Variants in AKT3 observed in about 807,000 individuals in gnomAD.
The protein encoded by AKT3 is AKT serine/threonine kinase 3, also known as RAC-gamma serine/threonine-protein kinase.
In AKT3, 15 loss-of-function variants were observed where a neutral mutation model predicts 65.3. That is an observed-to-expected ratio of 0.23 (90% CI 0.15 to 0.35). The LOEUF is 0.35. Ranked by LOEUF, AKT3 falls within the 10% of genes least tolerant of loss-of-function variation. The pLI is 1.00. For missense variants in AKT3, 243 were observed against 576.5 expected, an observed-to-expected ratio of 0.42 and a Z score of 5.92; for synonymous variants, 206 against 183.8, an observed-to-expected ratio of 1.12 and a Z score of -0.98.
chr1:243,499,839 C>G lies in AKT3; in HGVS notation c.*5410G>C. On this transcript the variant is annotated 3_prime_UTR_variant, in exon 14 of 14. Transcript: ENST00000673466. ...TTTACAAAGAGATATTTACATTCATCTGGTTTAGACTTAATATGCCACAAC... is the reference window on the plus strand; with the variant it reads ...TTTACAAAGAGATATTTACATTCATGTGGTTTAGACTTAATATGCCACAAC... The G allele has an allele frequency of 6.5e-7, 1 of 1,550,212 alleles. No individual in the cohort carries two copies. Among genetic ancestry groups the G allele is most frequent in the Non-Finnish European group, 8.9e-7 (1 of 1,125,048 alleles).
chr1:243,684,543 C>T (rs575095247), intron 3 of AKT3, among the ~76,000 whole-genome samples: 47 of 152,274 alleles, frequency 3.1e-4, no homozygotes, highest in African/African-American at 1.1e-3. Context: ...ACATTTTCTT[C>T]ATCCAGTCTA....
intron 9 of AKT3, among the ~76,000 whole-genome samples, chr1:243,570,143 C>G (rs1324781985): frequency 6.6e-6 from 1 of 152,172 alleles, no homozygotes; most frequent in Non-Finnish European, 1.5e-5. Context: ...ATAAAAATAT[C>G]TTAAGTTAAC....
chr1:243,683,605 T>C (rs1030300785), intron 3 of AKT3, among the ~76,000 whole-genome samples: 1 of 152,032 alleles, frequency 6.6e-6, no homozygotes, highest in Non-Finnish European at 1.5e-5. Flanking sequence ...CTTAAGCACC[T>C]ATCAACAAGT....
intron 1 of AKT3, among the ~76,000 whole-genome samples, chr1:243,849,573 G>C (rs965057583): frequency 1.3e-5 from 2 of 151,528 alleles, no homozygotes; most frequent in Non-Finnish European, 2.9e-5. Flanking sequence ...CACTGACACC[G>C]GCGCTCCACG....
chr1:243,729,762 GAC>G (rs1397079923), intron 2 of AKT3, among the ~76,000 whole-genome samples: 13 of 152,110 alleles, frequency 8.5e-5, no homozygotes, highest in Non-Finnish European at 1.2e-4. Flanking sequence ...AGATTAAGGA[GAC>G]ATAAAATATT....
chr1:243,818,869 G>A (rs1321140012), intron 2 of AKT3, among the ~76,000 whole-genome samples: 1 of 152,132 alleles, frequency 6.6e-6, no homozygotes, highest in Non-Finnish European at 1.5e-5. Flanking sequence ...GACCTATGGA[G>A]AGTGAGGAAA....
chr1:243,696,163 GAAAGA>G (rs1685051766), intron 2 of AKT3, among the ~76,000 whole-genome samples: 1 of 149,662 alleles, frequency 6.7e-6, no homozygotes, highest in South Asian at 2.1e-4. Context: ...TTTCAAAAAA[GAAAGA>G]AAAAAGTCTA....
chr1:243,848,541 T>A (rs12045787), intron 1 of AKT3, among the ~76,000 whole-genome samples: 34,833 of 152,148 alleles, frequency 0.23, 4,362 homozygotes, highest in East Asian at 0.32. Flanking sequence ...TTTTCCTAAG[T>A]AAATACATAA....
At chr1:243,642,348 CG>C (rs1680462493) in intron 5 of AKT3, among the ~76,000 whole-genome samples, 1 of 152,192 alleles carries the variant, frequency 6.6e-6, no homozygotes. Flanking sequence ...CTCGCTCTGT[CG>C]CCCAGGCTAG....
intron 6 of AKT3, among the ~76,000 whole-genome samples, chr1:243,625,793 TGAA>T (rs888128459): frequency 1.2e-4 from 19 of 152,194 alleles, no homozygotes; most frequent in Non-Finnish European, 1.3e-4. Flanking sequence ...TGTTGCAGAA[TGAA>T]GAAGTCTGCT....
At chr1:243,515,866 T>C (rs1033742030) in intron 12 of AKT3, among the ~76,000 whole-genome samples, 4 of 151,946 alleles carry the variant, frequency 2.6e-5, no homozygotes, top group Non-Finnish European at 5.9e-5. Context: ...GGCAGGTGCC[T>C]GTAGTCCCAG....
chr1:243,616,269 G>A (rs888133943), intron 6 of AKT3, among the ~76,000 whole-genome samples: 1 of 112,614 alleles, frequency 8.9e-6, no homozygotes. Flanking sequence ...TGTCCTCATA[G>A]CTTAGCTCCA....
At chr1:243,491,568 C>T (rs1353216835) in intron 13 of AKT3, among the ~76,000 whole-genome samples, 2 of 152,198 alleles carry the variant, frequency 1.3e-5, no homozygotes, top group Non-Finnish European at 2.9e-5. Flanking sequence ...AACCCAGAGC[C>T]TGCTTTTTCT....
At chr1:243,831,238 TAA>T (rs372457814) in intron 2 of AKT3, among the ~76,000 whole-genome samples, 14 of 152,174 alleles carry the variant, frequency 9.2e-5, no homozygotes, top group Non-Finnish European at 1.9e-4. Flanking sequence ...GTACAAAATA[TAA>T]AGTTGTATTA....
chr1:243,588,906 T>A (rs1372610294), intron 8 of AKT3, among the ~76,000 whole-genome samples: 1 of 152,162 alleles, frequency 6.6e-6, no homozygotes, highest in Non-Finnish European at 1.5e-5. Context: ...ACTATTTATC[T>A]CTTTGCTTAT....
chr1:243,662,071 G>A (rs889673798), intron 4 of AKT3, among the ~76,000 whole-genome samples: 1 of 149,962 alleles, frequency 6.7e-6, no homozygotes, highest in Non-Finnish European at 1.5e-5. Context: ...TGCTGGAGAG[G>A]ATGTGGAGAA....
intron 12 of AKT3, among the ~76,000 whole-genome samples, chr1:243,513,945 C>G (rs1466247068): frequency 6.6e-6 from 1 of 152,210 alleles, no homozygotes; most frequent in African/African-American, 2.4e-5. Flanking sequence ...ATTCTCCACA[C>G]CAGCCTCACA....
At chr1:243,616,044 G>A (rs961218652) in intron 6 of AKT3, among the ~76,000 whole-genome samples, 7 of 151,890 alleles carry the variant, frequency 4.6e-5, no homozygotes, top group Admixed American at 4.6e-4. Flanking sequence ...TTGGTTGGGG[G>A]CGTGGGTGTT....
intron 2 of AKT3, among the ~76,000 whole-genome samples, chr1:243,696,792 T>G (rs952644073): frequency 1.3e-5 from 2 of 152,004 alleles, no homozygotes; most frequent in African/African-American, 4.8e-5. Context: ...CTTCTGTTAA[T>G]ACTGTTTTTC....
Sources: allele counts gnomAD v4.1 joint callset (sites outside exome capture counted in the v4.1 genomes callset), GRCh38; gene constraint gnomAD v4.1.1; transcripts MANE v1.5; gene names NCBI Gene and HGNC (gene_info 2026-07-23, HGNC 2026-07-21).